The following DOCK9 variants were observed in gnomAD, a reference collection of about 807,000 sequenced individuals.
The protein encoded by DOCK9 is dedicator of cytokinesis protein 9.
A neutral mutation model predicts 263.3 loss-of-function variants in DOCK9; 89 were observed. That is an observed-to-expected ratio of 0.34 (90% CI 0.28 to 0.40). The LOEUF (loss-of-function observed/expected upper bound fraction) is 0.40, where lower values mean the gene tolerates loss of function less well. Ranked by LOEUF, DOCK9 falls within the 10% of genes least tolerant of loss-of-function variation. The pLI is 1.00. For synonymous variants in DOCK9, 976 were observed against 973.1 expected, an observed-to-expected ratio of 1.00 and a Z score of -0.06; for missense variants, 2,140 against 2,603.4, an observed-to-expected ratio of 0.82 and a Z score of 3.87.
chr13:98,876,046 A>T (rs2043791755), intron 27 of DOCK9, among the ~76,000 whole-genome samples: 1 of 152,196 alleles, frequency 6.6e-6, no homozygotes, highest in South Asian at 2.1e-4. Context: ...TAAATTGTAC[A>T]CTGAAAGCAT....
At chr13:98,939,179 C>G (rs2055397536) in intron 2 of DOCK9, among the ~76,000 whole-genome samples, 1 of 152,254 alleles carries the variant, frequency 6.6e-6, no homozygotes, top group Non-Finnish European at 1.5e-5. Flanking sequence ...AGATGCTTCT[C>G]TTCAGGAGGA....
In DOCK9 at chr13:99,060,062, C is replaced by CTTTTTTTTTTT. The variant is rs71114576; in HGVS notation, c.129+26150_129+26160dup. On this transcript the variant is annotated intron_variant, in intron 1 of 32. Coordinates refer to the DOCK9 transcript ENST00000427887. The stretch of plus-strand genomic sequence containing the variant: ...AGTTACAGACATTTGATTGTTTCTA[C>CTTTTTTTTTTT]TTTTTTTTTTTTTTTTTTTTTTTTT... 3.6e-4 allele frequency among the ~76,000 whole-genome samples: 22 copies of CTTTTTTTTTTT among 61,460 alleles called. 4 individuals are homozygous for CTTTTTTTTTTT. The highest frequency in any genetic ancestry group is 1.7e-3 in the African/African-American group (21 of 12,596). 40.3% of individuals were successfully genotyped at this position (61,460 alleles called of 152,430 possible). A position where few individuals can be genotyped will look rare whatever the true frequency, so the allele number is the denominator to read the frequency against.
intron 46 of DOCK9, 94 bp downstream of exon 46, chr13:98,810,075 T>C (rs1288622074): frequency 1.9e-6 from 3 of 1,550,430 alleles, no homozygotes; most frequent in African/African-American, 2.7e-5. Flanking sequence ...CTCTGGCCCA[T>C]GGCCTGCTTC....
Position 98,882,993 on chromosome 13 carries a change from C to A in DOCK9, c.2559+49G>T, listed in dbSNP as rs772809749. ...ACTCACCACCAAAGAGAAAACCCAACCTACTCCAAACTCACTTAAAAGGGG... is the reference window on the plus strand; with the variant it reads ...ACTCACCACCAAAGAGAAAACCCAAACTACTCCAAACTCACTTAAAAGGGG... On this transcript the variant is annotated intron_variant, in intron 23 of 52. Coordinates refer to ENST00000682017, the MANE Select transcript of DOCK9 (RefSeq NM_001366683.2). 3 of 1,527,850 alleles carry A rather than the reference C, an allele frequency of 2.0e-6. No homozygotes were observed. The South Asian group carries it at 3.6e-5, about 18-fold the overall frequency. The allele number at this position is 1,527,850 out of a possible 1,614,324, so 94.6% of individuals were successfully genotyped here.
intron 1 of DOCK9, among the ~76,000 whole-genome samples, chr13:99,002,249 G>C (rs1489378425): frequency 2.6e-5 from 4 of 152,142 alleles, no homozygotes; most frequent in Non-Finnish European, 5.9e-5. Flanking sequence ...CTCCCTTTCT[G>C]ATTCTGATCC....
In DOCK9 at chr13:98,883,117, A is replaced by G; in HGVS notation, c.2484T>C (p.His828=). 6.2e-7 allele frequency: 1 copy of G among 1,613,770 alleles called. No individual in the cohort carries two copies. The change falls in exon 23 of 53, where the codon CAT becomes CAC. Residue 828 remains histidine, a synonymous_variant. Coordinates refer to ENST00000682017, the MANE Select transcript of DOCK9 (RefSeq NM_001366683.2). ...STVYTQDQHL[H]NFFQYCQKTE... is the part of the protein sequence containing the mutation. ...TTTTCTGACAGTACTGGAAAAAATT[A>G]TGTAAATGCTGATCCTGAGGTAGGG...
chr13:98,967,100 T>G (rs879166141), intron 1 of DOCK9, among the ~76,000 whole-genome samples: 2 of 152,252 alleles, frequency 1.3e-5, no homozygotes, highest in Admixed American at 1.3e-4. Flanking sequence ...TAAAACGTAT[T>G]CTCAAAAAAT....
intron 1 of DOCK9, among the ~76,000 whole-genome samples, chr13:98,985,964 C>T (rs1878360552): frequency 6.6e-6 from 1 of 152,242 alleles, no homozygotes; most frequent in Non-Finnish European, 1.5e-5. Context: ...AGAATTTTCT[C>T]ACTTTCCTCA....
At chr13:99,057,873 T>C (rs1356616122) in intron 1 of DOCK9, among the ~76,000 whole-genome samples, 1 of 152,218 alleles carries the variant, frequency 6.6e-6, no homozygotes, top group Admixed American at 6.5e-5. Context: ...TTTATTTTTC[T>C]TATACTGATA....
intron 1 of DOCK9, among the ~76,000 whole-genome samples, chr13:99,004,784 GACACAC>G (rs10533387): frequency 0.29 from 43,474 of 148,018 alleles, 7,619 homozygotes; most frequent in Non-Finnish European, 0.4. Flanking sequence ...AAAAACTATA[GACACAC>G]ACACACACAC....
chr13:99,083,233 T>A (rs2042199992), intron 1 of DOCK9, among the ~76,000 whole-genome samples: 1 of 150,992 alleles, frequency 6.6e-6, no homozygotes, highest in South Asian at 2.1e-4. Flanking sequence ...CCAGCCTGGG[T>A]GACAGAACAA....
chr13:98,801,634 T>C (rs1009137759), intron 49 of DOCK9, among the ~76,000 whole-genome samples: 4 of 152,198 alleles, frequency 2.6e-5, no homozygotes, highest in South Asian at 2.1e-4. Context: ...GAAATATCTA[T>C]AATATTCTCA....
At chr13:98,861,659 C>A (rs1324542129) in intron 32 of DOCK9, among the ~76,000 whole-genome samples, 1 of 152,094 alleles carries the variant, frequency 6.6e-6, no homozygotes, top group Non-Finnish European at 1.5e-5. Context: ...AGCTGAATTG[C>A]AAGATGATTC....
chr13:98,808,630 C>T (rs1373826201), intron 47 of DOCK9: 2 of 1,572,634 alleles, frequency 1.3e-6, no homozygotes, highest in Non-Finnish European at 1.7e-6. Context: ...TAGGCATTTA[C>T]TGTAATTACC....
intron 9 of DOCK9, among the ~76,000 whole-genome samples, chr13:98,908,682 G>A (rs1352542302): frequency 6.6e-6 from 1 of 152,078 alleles, no homozygotes; most frequent in East Asian, 1.9e-4. Context: ...CCTTACATAT[G>A]TTTATCTATA....
At chr13:99,039,754 G>C (rs961965124) in intron 1 of DOCK9, among the ~76,000 whole-genome samples, 1 of 152,158 alleles carries the variant, frequency 6.6e-6, no homozygotes, top group Non-Finnish European at 1.5e-5. Flanking sequence ...AAACCATTAA[G>C]GGCTGAGTAC....
At chr13:98,966,939 C>T in intron 1 of DOCK9, among the ~76,000 whole-genome samples, 1 of 152,336 alleles carries the variant, frequency 6.6e-6, no homozygotes, top group East Asian at 1.9e-4. Context: ...TAGAAATACA[C>T]ATTCACCCCA....
intron 7 of DOCK9, among the ~76,000 whole-genome samples, chr13:98,920,738 G>A (rs1019508967): frequency 9.2e-5 from 14 of 152,250 alleles, no homozygotes; most frequent in African/African-American, 2.9e-4. Context: ...GGCCGAGCCA[G>A]AGTGCTCCTG....
intron 27 of DOCK9, among the ~76,000 whole-genome samples, chr13:98,879,174 C>A (rs1218219541): frequency 6.6e-6 from 1 of 152,176 alleles, no homozygotes; most frequent in East Asian, 1.9e-4. Flanking sequence ...CTACCTTGAG[C>A]CTCAGAGAGC....
Sources: allele counts gnomAD v4.1 joint callset (sites outside exome capture counted in the v4.1 genomes callset), GRCh38; gene constraint gnomAD v4.1.1; transcripts MANE v1.5; gene names NCBI Gene and HGNC (gene_info 2026-07-23, HGNC 2026-07-21).